ABCB5: variants seen among roughly 807,000 people sequenced by gnomAD.
The protein encoded by ABCB5 is ATP binding cassette subfamily B member 5, also known as ATP-binding cassette sub-family B member 5.
ABCB5 carries 155 observed loss-of-function variants against 144.2 expected under a neutral mutation model. The ratio of observed to expected loss-of-function variants is 1.08; its 90% confidence interval spans 0.94 to 1.23. The LOEUF (loss-of-function observed/expected upper bound fraction) is 1.23, where lower values mean the gene tolerates loss of function less well. Ranked by LOEUF, ABCB5 falls within the 50% of genes most tolerant of loss-of-function variation. ABCB5 has a pLI of 0.00. For synonymous variants in ABCB5, 610 were observed against 528.6 expected (o/e 1.15, Z -2.11); for missense variants, 1,830 against 1,520.8 (o/e 1.20, Z -3.38).
rs559131949 is a variant in ABCB5, at chr7:20,708,599, T to C, written c.2421+3792T>C. ...TCAAACTGCTGAGTGGTAAGGTAAG[T>C]CAAAAATTTCCCTTGACAAAAACTC... On this transcript the variant is annotated intron_variant, in intron 20 of 27. Coordinates refer to ENST00000404938, the MANE Select transcript of ABCB5 (RefSeq NM_001163941.2). 2.0e-5 allele frequency among the ~76,000 whole-genome samples: 3 copies of C among 152,260 alleles called. No homozygotes were observed. In the South Asian group the frequency reaches 6.2e-4, roughly 32 times the overall value.
At chr7:20,621,306 T>C (rs1219995143) in intron 1 of ABCB5, among the ~76,000 whole-genome samples, 1 of 152,132 alleles carries the variant, frequency 6.6e-6, no homozygotes. Context: ...TGAAGATAGA[T>C]ATGGTGATGG....
rs375814948 is a variant in ABCB5 at position 20,749,936 on chromosome 7, T to C, written c.3430-3424T>C. Reference sequence around the variant, plus strand: ...ATGTTTTCATGGAACTGTAAGCCAATTGACAAAGAATAGAGTATATAAAGC... The same window carrying C: ...ATGTTTTCATGGAACTGTAAGCCAACTGACAAAGAATAGAGTATATAAAGC... On this transcript the variant is annotated intron_variant, in intron 26 of 27. Transcript: ENST00000404938. Among the ~76,000 whole-genome samples, 24 of 152,280 alleles carry C rather than the reference T, an allele frequency of 1.6e-4. No individual in the cohort carries two copies. In the South Asian group the frequency reaches 2.3e-3, roughly 14 times the overall value.
chr7:20,719,462 T>G (rs1193274315), intron 20 of ABCB5, among the ~76,000 whole-genome samples: 2 of 152,216 alleles, frequency 1.3e-5, no homozygotes, highest in Non-Finnish European at 2.9e-5. Context: ...CAATTTATAA[T>G]GTGCAAAAAT....
intron 10 of ABCB5, 131 bp from the exon 11 acceptor site, chr7:20,647,837 C>A: frequency 9.1e-7 from 1 of 1,104,464 alleles, no homozygotes; most frequent in Non-Finnish European, 1.3e-6. Context: ...ACCTTCATGT[C>A]TAACTCAATG....
At chr7:20,739,444 A>G (rs926736369) in intron 24 of ABCB5, among the ~76,000 whole-genome samples, 1 of 152,224 alleles carries the variant, frequency 6.6e-6, no homozygotes, top group Non-Finnish European at 1.5e-5. Flanking sequence ...GTCTTTGGAA[A>G]ACTCTGCAAA....
chr7:20,638,014 G>A (rs1027495700), intron 5 of ABCB5, among the ~76,000 whole-genome samples: 1 of 152,108 alleles, frequency 6.6e-6, no homozygotes, highest in Non-Finnish European at 1.5e-5. Flanking sequence ...AGGTAGTTTG[G>A]GAGTCTGATT....
In ABCB5 at chr7:20,698,465, C is replaced by G. The variant is rs749773246; in HGVS notation, c.2069C>G (p.Pro690Arg). ...KILKLNKPEWPFVVLGTLASV... is the reference protein window; with the variant it reads ...KILKLNKPEWRFVVLGTLASV... ...TTAAAGTTAAACAAGCCTGAATGGC[C>G]TTTTGTGGTTCTGGGGACATTGGCT... is the stretch of plus-strand genomic sequence containing the variant. The change falls in exon 17 of 28, where the codon CCT becomes CGT. Residue 690 changes from proline to arginine, a missense_variant. Transcript: ENST00000404938. The G allele has an allele frequency of 3.1e-6, 5 of 1,598,306 alleles. No individual in the cohort carries two copies. The East Asian group carries it at 1.1e-4, about 36-fold the overall frequency.
At chr7:20,741,041 T>C (rs1038132099) in intron 24 of ABCB5, among the ~76,000 whole-genome samples, 4 of 145,130 alleles carry the variant, frequency 2.8e-5, no homozygotes, top group Non-Finnish European at 6.0e-5. Context: ...AGGCAGAGAT[T>C]GCAGTGAGCC....
chr7:20,689,494 C>G (rs1042310266), intron 16 of ABCB5, among the ~76,000 whole-genome samples: 1 of 152,176 alleles, frequency 6.6e-6, no homozygotes, highest in Non-Finnish European at 1.5e-5. Context: ...GAGTCTAGGG[C>G]AGTTCTGCAT....
chr7:20,693,024 C>G (rs1786286658), intron 16 of ABCB5, among the ~76,000 whole-genome samples: 1 of 152,024 alleles, frequency 6.6e-6, no homozygotes, highest in African/African-American at 2.4e-5. Context: ...CAAATTTGAC[C>G]TAATAAACAT....
intron 13 of ABCB5, among the ~76,000 whole-genome samples, chr7:20,656,814 G>C (rs186106385): frequency 6.6e-6 from 1 of 151,508 alleles, no homozygotes; most frequent in Non-Finnish European, 1.5e-5. Flanking sequence ...ATTCATAGCA[G>C]CTTTATTTAT....
intron 25 of ABCB5, among the ~76,000 whole-genome samples, chr7:20,744,679 G>A (rs562880352): frequency 6.6e-6 from 1 of 152,034 alleles, no homozygotes; most frequent in East Asian, 1.9e-4. Context: ...GAGTTAATGG[G>A]TGCAGCACAC....
intron 14 of ABCB5, among the ~76,000 whole-genome samples, chr7:20,679,813 G>C (rs1223097783): frequency 6.6e-6 from 1 of 152,078 alleles, no homozygotes; most frequent in Admixed American, 6.6e-5. Flanking sequence ...GCACTATTGG[G>C]GGGTTTATAA....
intron 1 of ABCB5, among the ~76,000 whole-genome samples, chr7:20,616,777 TG>T (rs1783695669): frequency 6.6e-6 from 1 of 152,190 alleles, no homozygotes; most frequent in South Asian, 2.1e-4. Flanking sequence ...TTTGAAACAT[TG>T]GGTAACAGAG....
At chr7:20,721,078 C>T (rs1006764917) in intron 20 of ABCB5, among the ~76,000 whole-genome samples, 1 of 150,884 alleles carries the variant, frequency 6.6e-6, no homozygotes, top group African/African-American at 2.4e-5. Context: ...ATTGAGACAA[C>T]TGATAAAACT....
In ABCB5 at chr7:20,723,232, CT is replaced by C; in HGVS notation, c.2625+14del. ...GCATGCTGGAAAGGTAAAATGAAGA[CT>C]GTTATCACCATCGTAACATTTAAAG... On this transcript the variant is annotated intron_variant, in intron 21 of 27. Transcript: ENST00000404938. The C allele has an allele frequency of 1.2e-6, 2 of 1,612,194 alleles. No homozygotes were observed. Among genetic ancestry groups the C allele is most frequent in the Non-Finnish European group, 1.7e-6 (2 of 1,178,626 alleles).
At position 20,703,679 on chromosome 7, in the gene ABCB5, A is replaced by C. The variant is rs575176162; in HGVS notation, c.2338-1045A>C. Among the ~76,000 whole-genome samples the C allele has an allele frequency of 5.4e-4, 82 of 152,326 alleles. 1 individual carries two copies. The highest frequency in any genetic ancestry group is 9.0e-4 in the Non-Finnish European group (61 of 68,030). ...CAGAGACAGTTTCCACATGGTTTTA[A>C]TCTACAAGAGATACAAGTGGTTCCA... On this transcript the variant is annotated intron_variant, in intron 19 of 27. Coordinates refer to ENST00000404938, the MANE Select transcript of ABCB5 (RefSeq NM_001163941.2).
chr7:20,723,355 T>G lies in ABCB5; in HGVS notation c.2625+136T>G. 1 of 928,578 alleles carries G rather than the reference T, an allele frequency of 1.1e-6. No individual in the cohort carries two copies. The highest frequency in any genetic ancestry group is 1.6e-6 in the Non-Finnish European group (1 of 619,656). 57.5% of individuals were successfully genotyped at this position (928,578 alleles called of 1,614,324 possible). A position where few individuals can be genotyped will look rare whatever the true frequency, so the allele number is the denominator to read the frequency against. ...CATCTCTTAGGGATCTGTAAAGTGA[T>G]ATGTATAGAGAGAGAAATGCATACA... is the stretch of plus-strand genomic sequence containing the variant. On this transcript the variant is annotated intron_variant, in intron 21 of 27. Coordinates refer to ENST00000404938, the MANE Select transcript of ABCB5 (RefSeq NM_001163941.2).
chr7:20,745,148 T>G, intron 25 of ABCB5, 84 bp from the exon 26 acceptor site: 3 of 1,328,852 alleles, frequency 2.3e-6, no homozygotes, highest in Non-Finnish European at 3.2e-6. Context: ...CTTGTTATGA[T>G]TTGTGTGTGT....
Sources: allele counts gnomAD v4.1 joint callset (sites outside exome capture counted in the v4.1 genomes callset), GRCh38; gene constraint gnomAD v4.1.1; transcripts MANE v1.5; gene names NCBI Gene and HGNC (gene_info 2026-07-23, HGNC 2026-07-21).